LAMA2: variants seen among roughly 807,000 people sequenced by gnomAD.
The protein encoded by LAMA2 is laminin subunit alpha-2.
A neutral mutation model predicts 364.8 loss-of-function variants in LAMA2; 269 were observed. The observed-to-expected ratio is 0.74, with a 90% CI of 0.67 to 0.82. LAMA2 has a LOEUF of 0.82. Among genes scored for constraint, LAMA2 ranks in the 40% least tolerant of loss-of-function variants. The pLI is 0.00. For synonymous variants in LAMA2, 1,379 were observed against 1,370.6 expected, an observed-to-expected ratio of 1.01 and a Z score of -0.14; for missense variants, 3,807 against 3,873.2, an observed-to-expected ratio of 0.98 and a Z score of 0.45.
chr6:128,954,590 C>G (rs1432169421), intron 1 of LAMA2, among the ~76,000 whole-genome samples: 1 of 151,932 alleles, frequency 6.6e-6, no homozygotes, highest in East Asian at 1.9e-4. Flanking sequence ...GGCATTTTTA[C>G]ATTATCGATT....
chr6:129,215,939 T>C (rs2115082468), intron 12 of LAMA2, among the ~76,000 whole-genome samples: 1 of 152,282 alleles, frequency 6.6e-6, no homozygotes, highest in Non-Finnish European at 1.5e-5. Flanking sequence ...TCTTCTTTGG[T>C]TTTTAAAAAG....
intron 35 of LAMA2, 123 bp from the exon 36 acceptor site, chr6:129,391,368 C>A: frequency 2.4e-6 from 2 of 821,614 alleles, no homozygotes; most frequent in Non-Finnish European, 2.1e-6. Context: ...TGGTTCCCAG[C>A]AGGAACACTC....
chr6:129,278,257 T>G (rs944241896), intron 17 of LAMA2, among the ~76,000 whole-genome samples: 1 of 152,162 alleles, frequency 6.6e-6, no homozygotes, highest in Non-Finnish European at 1.5e-5. Flanking sequence ...CAACCACCAT[T>G]GACAAGAGTT....
chr6:129,410,838 A>C (rs1780506576), intron 40 of LAMA2, among the ~76,000 whole-genome samples: 1 of 152,204 alleles, frequency 6.6e-6, no homozygotes, highest in Non-Finnish European at 1.5e-5. Context: ...GCAAAGTCCC[A>C]GTATCTGTGA....
At position 129,440,553 on chromosome 6, in the gene LAMA2, T is replaced by C. The variant is rs1028232667; in HGVS notation, c.6086-263T>C. 3.3e-5 allele frequency among the ~76,000 whole-genome samples: 5 copies of C among 152,056 alleles called. No individual in the cohort carries two copies. In the East Asian group the frequency reaches 9.7e-4, roughly 29 times the overall value. ...ATAAGTTCAGCAGCAAATCACAATA[T>C]GATCTTATACAATGAACATTTAGAA... On this transcript the variant is annotated intron_variant, in intron 42 of 64. Transcript: ENST00000421865.
At chr6:128,982,902 A>T (rs1477686838) in intron 1 of LAMA2, among the ~76,000 whole-genome samples, 2 of 150,078 alleles carry the variant, frequency 1.3e-5, no homozygotes, top group Non-Finnish European at 3.0e-5. Context: ...GAGAATGATG[A>T]TTTCCAGTAT....
At position 129,227,454 on chromosome 6, in the gene LAMA2, T is replaced by G. The variant is rs566217795; in HGVS notation, c.1783-22658T>G. ...TCTCTGCTCTGTTTTTTCCCCATCT[T>G]TGTGGTTTTATCTACCTTTGGTCTT... On this transcript the variant is annotated intron_variant, in intron 12 of 64. Coordinates refer to ENST00000421865, the MANE Select transcript of LAMA2 (RefSeq NM_000426.4). Among the ~76,000 whole-genome samples, 223 of 152,296 alleles carry G rather than the reference T, an allele frequency of 1.5e-3. 1 individual carries two copies. The highest frequency in any genetic ancestry group is 2.5e-3 in the Non-Finnish European group (168 of 68,018).
At chr6:128,993,481 G>C (rs976484325) in intron 1 of LAMA2, among the ~76,000 whole-genome samples, 2 of 152,144 alleles carry the variant, frequency 1.3e-5, no homozygotes, top group African/African-American at 4.8e-5. Context: ...TTACAGGCTA[G>C]TTGTACATTT....
intron 34 of LAMA2, among the ~76,000 whole-genome samples, chr6:129,377,442 A>C (rs1258925146): frequency 6.6e-6 from 1 of 152,130 alleles, no homozygotes; most frequent in African/African-American, 2.4e-5. Flanking sequence ...GGAACTTTTA[A>C]AATTGGCACG....
chr6:128,988,634 T>C (rs1291548692), intron 1 of LAMA2, among the ~76,000 whole-genome samples: 1 of 152,210 alleles, frequency 6.6e-6, no homozygotes, highest in African/African-American at 2.4e-5. Context: ...TTCTTAGCTT[T>C]TTTAACTTTC....
intron 1 of LAMA2, among the ~76,000 whole-genome samples, chr6:128,952,921 C>T (rs1291814070): frequency 6.6e-6 from 1 of 152,138 alleles, no homozygotes; most frequent in African/African-American, 2.4e-5. Context: ...AAGCTTTCCT[C>T]TTTGTTGTCT....
chr6:129,037,590 C>T (rs4555933), intron 1 of LAMA2, among the ~76,000 whole-genome samples: 52,126 of 151,760 alleles, frequency 0.34, 10,683 homozygotes, highest in African/African-American at 0.57. Context: ...GGTATCTCCG[C>T]ATGTTAGTTA....
rs541011104 is a variant in LAMA2, at chr6:128,970,908, C to A, written c.113-79010C>A. On this transcript the variant is annotated intron_variant, in intron 1 of 64. Coordinates refer to ENST00000421865, the MANE Select transcript of LAMA2 (RefSeq NM_000426.4). ...GAGGTACTAGTCCTCTTTGACATTT[C>A]TCTTAAAGCGGAATTTATTTGGGGT... is the stretch of plus-strand genomic sequence containing the variant. Among the ~76,000 whole-genome samples the A allele has an allele frequency of 2.6e-5, 4 of 152,268 alleles. No homozygotes were observed. In the South Asian group the frequency reaches 8.3e-4, roughly 32 times the overall value.
intron 39 of LAMA2, among the ~76,000 whole-genome samples, chr6:129,402,773 A>G (rs940007928): frequency 2.0e-5 from 3 of 152,232 alleles, no homozygotes; most frequent in Non-Finnish European, 4.4e-5. Context: ...TCTTTATTAA[A>G]AAGCACAGTG....
intron 45 of LAMA2, among the ~76,000 whole-genome samples, chr6:129,450,796 C>T (rs914162140): frequency 3.3e-5 from 5 of 152,030 alleles, no homozygotes; most frequent in South Asian, 4.2e-4. Context: ...CCAGGGATAA[C>T]GCACTATGCT....
At chr6:129,008,068 T>G (rs1784543579) in intron 1 of LAMA2, among the ~76,000 whole-genome samples, 1 of 152,174 alleles carries the variant, frequency 6.6e-6, no homozygotes, top group South Asian at 2.1e-4. Flanking sequence ...AAAAAGTCAA[T>G]GTACACCACA....
At chr6:129,331,736 A>C (rs1449894077) in intron 29 of LAMA2, among the ~76,000 whole-genome samples, 1 of 151,892 alleles carries the variant, frequency 6.6e-6, no homozygotes, top group African/African-American at 2.4e-5. Context: ...TTCTCCTTCC[A>C]TACAATGGAG....
chr6:129,192,975 C>A, intron 12 of LAMA2, 122 bp downstream of exon 12: 3 of 1,042,518 alleles, frequency 2.9e-6, no homozygotes, highest in East Asian at 5.2e-5. Context: ...ATTGCCAGAA[C>A]CAGCTAAATC....
intron 4 of LAMA2, among the ~76,000 whole-genome samples, chr6:129,099,125 G>GTTTTTTTTTTTTT (rs370334822): frequency 2.9e-4 from 37 of 129,764 alleles, no homozygotes; most frequent in East Asian, 6.7e-4. Flanking sequence ...TTTTTTTTTT[G>GTTTTTTTTTTTTT]TTTTTTTTTT....
Sources: gnomAD v4.1 joint callset for allele counts (sites outside exome capture counted in the v4.1 genomes callset) on GRCh38, gnomAD v4.1.1 for gene constraint, MANE v1.5 for transcripts, NCBI Gene and HGNC (gene_info 2026-07-23, HGNC 2026-07-21) for gene names.